SV2C: variants seen among roughly 807,000 people sequenced by gnomAD.
SV2C encodes synaptic vesicle glycoprotein 2C, also known as solute carrier family 22 member B3.
A neutral mutation model predicts 79.7 loss-of-function variants in SV2C; 49 were observed. That is an observed-to-expected ratio of 0.61 (90% CI 0.49 to 0.78). SV2C has a LOEUF of 0.78. Among genes scored for constraint, SV2C ranks in the 30% least tolerant of loss-of-function variants. The probability of loss-of-function intolerance (pLI) is 0.00; values close to 1 mark genes in which losing one functional copy is unlikely to be tolerated. For missense variants in SV2C, 833 were observed against 912.9 expected, an observed-to-expected ratio of 0.91 and a Z score of 1.13; for synonymous variants, 334 against 333.2, an observed-to-expected ratio of 1.00 and a Z score of -0.03.
chr5:76,266,291 T>C (rs1391364700), intron 4 of SV2C, among the ~76,000 whole-genome samples: 1 of 152,170 alleles, frequency 6.6e-6, no homozygotes, highest in African/African-American at 2.4e-5. Context: ...CACTGCAACC[T>C]CCGCCTCCCA....
intron 4 of SV2C, among the ~76,000 whole-genome samples, chr5:76,258,748 A>G (rs1036283989): frequency 2.0e-5 from 3 of 152,314 alleles, no homozygotes; most frequent in South Asian, 2.1e-4. Context: ...GATTTTGACA[A>G]TCTTATGCAC....
intron 1 of SV2C, among the ~76,000 whole-genome samples, chr5:76,094,681 A>C (rs777789552): frequency 3.3e-5 from 5 of 152,140 alleles, no homozygotes; most frequent in Non-Finnish European, 5.9e-5. Context: ...CTGGGGATCA[A>C]GAAGTGAATA....
At chr5:76,150,626 C>CTT (rs57910684) in intron 2 of SV2C, among the ~76,000 whole-genome samples, 1,629 of 56,502 alleles carry the variant, frequency 0.029, 451 homozygotes, top group East Asian at 0.13. Flanking sequence ...TCATCAAATT[C>CTT]TTTTTTTTTT....
At chr5:75,920,940 T>C in the SV2C span, 2 of 726,966 alleles carry the variant, frequency 2.8e-6, no homozygotes, top group South Asian at 3.0e-5. Context: ...GCAAAGCTCT[T>C]GGTGATGATG....
the SV2C span, among the ~76,000 whole-genome samples, chr5:75,886,020 A>G: frequency 6.6e-6 from 1 of 152,228 alleles, no homozygotes; most frequent in African/African-American, 2.4e-5. Flanking sequence ...AGCTGCCCCT[A>G]GTGGAACTGA....
chr5:76,047,982 A>G, the SV2C span, among the ~76,000 whole-genome samples: 2 of 152,096 alleles, frequency 1.3e-5, no homozygotes, highest in East Asian at 3.9e-4. Context: ...AAAAAATTCT[A>G]AGAGAGTGGA....
At chr5:75,898,215 T>C in the SV2C span, among the ~76,000 whole-genome samples, 1 of 152,214 alleles carries the variant, frequency 6.6e-6, no homozygotes, top group South Asian at 2.1e-4. Flanking sequence ...TTGTCATAAA[T>C]AGCCCTTATT....
chr5:75,862,020 T>C, the SV2C span, among the ~76,000 whole-genome samples: 2 of 152,220 alleles, frequency 1.3e-5, no homozygotes, highest in African/African-American at 4.8e-5. Context: ...AATTTTTATT[T>C]ACTTCCATCT....
At chr5:76,025,005 C>A in the SV2C span, among the ~76,000 whole-genome samples, 3 of 152,144 alleles carry the variant, frequency 2.0e-5, no homozygotes, top group Non-Finnish European at 4.4e-5. Flanking sequence ...CCTAGGCCCC[C>A]TTTCCTTACC....
intron 2 of SV2C, among the ~76,000 whole-genome samples, chr5:76,187,561 G>T (rs971265504): frequency 6.6e-6 from 1 of 152,026 alleles, no homozygotes; most frequent in Non-Finnish European, 1.5e-5. Flanking sequence ...AATTAGAAAG[G>T]TTTTCCCCCC....
chr5:76,184,502 A>T (rs994858133), intron 2 of SV2C, among the ~76,000 whole-genome samples: 2 of 152,202 alleles, frequency 1.3e-5, no homozygotes, highest in African/African-American at 4.8e-5. Flanking sequence ...AGACTGAATA[A>T]TTTATAAAGA....
the SV2C span, among the ~76,000 whole-genome samples, chr5:76,071,963 C>T: frequency 1.9e-3 from 289 of 152,282 alleles, 1 homozygote; most frequent in Admixed American, 3.6e-3. Context: ...AGCTATAAAT[C>T]ATCTGGATAC....
intron 4 of SV2C, among the ~76,000 whole-genome samples, chr5:76,237,081 T>A (rs1033489142): frequency 6.6e-6 from 1 of 152,182 alleles, no homozygotes; most frequent in Non-Finnish European, 1.5e-5. Context: ...TTCCCAGCAA[T>A]GTGGAACTGT....
At chr5:76,345,613 G>C (rs1311922701) in intron 12 of SV2C, among the ~76,000 whole-genome samples, 1 of 152,196 alleles carries the variant, frequency 6.6e-6, no homozygotes, top group Non-Finnish European at 1.5e-5. Context: ...GGCTTGTCCA[G>C]GCTGTCAGCG....
intron 2 of SV2C, among the ~76,000 whole-genome samples, chr5:76,140,917 A>T (rs147623749): frequency 5.9e-5 from 9 of 152,310 alleles, no homozygotes; most frequent in African/African-American, 2.2e-4. Context: ...CATCACAGTG[A>T]TCCTAATTGG....
the SV2C span, among the ~76,000 whole-genome samples, chr5:76,000,667 T>G: frequency 2.6e-5 from 4 of 152,322 alleles, no homozygotes; most frequent in South Asian, 8.3e-4. Context: ...ACGTTAGGAT[T>G]TAAACATTAA....
intron 3 of SV2C, among the ~76,000 whole-genome samples, chr5:76,208,216 T>G (rs1744666817): frequency 6.6e-6 from 1 of 152,238 alleles, no homozygotes. Flanking sequence ...TATATGTATA[T>G]TATACATTAC....
chr5:76,110,802 C>G (rs2112138497), intron 1 of SV2C, among the ~76,000 whole-genome samples: 1 of 152,314 alleles, frequency 6.6e-6, no homozygotes, highest in South Asian at 2.1e-4. Flanking sequence ...AAAGCTGATG[C>G]AGTGTTGCCT....
At chr5:76,342,886 CTTT>C (rs35379719) in intron 12 of SV2C, among the ~76,000 whole-genome samples, 19 of 138,820 alleles carry the variant, frequency 1.4e-4, no homozygotes, top group Admixed American at 2.2e-4. Context: ...CTCTCTCTCT[CTTT>C]TTTTTTTTTT....
Sources: gnomAD v4.1 joint callset for allele counts (sites outside exome capture counted in the v4.1 genomes callset) on GRCh38, gnomAD v4.1.1 for gene constraint, MANE v1.5 for transcripts, NCBI Gene and HGNC (gene_info 2026-07-23, HGNC 2026-07-21) for gene names.